Variants in PDE10A observed in about 807,000 individuals in gnomAD.
PDE10A encodes phosphodiesterase 10A, also known as cAMP and cAMP-inhibited cGMP 3',5'-cyclic phosphodiesterase 10A.
PDE10A carries 39 observed loss-of-function variants against 97.7 expected under a neutral mutation model. The ratio of observed to expected loss-of-function variants is 0.40; its 90% CI spans 0.31 to 0.52. PDE10A has a LOEUF of 0.52. PDE10A is among the 20% of genes least tolerant of loss of function. The pLI, the probability that PDE10A is intolerant of heterozygous loss-of-function variation, is 0.56. For synonymous variants in PDE10A, 371 were observed against 376.8 expected, an observed-to-expected ratio of 0.98 and a Z score of 0.18; for missense variants, 731 against 1,047.8, an observed-to-expected ratio of 0.70 and a Z score of 4.17.
intron 18 of PDE10A, among the ~76,000 whole-genome samples, chr6:165,362,846 A>G (rs994621761): frequency 3.9e-5 from 6 of 152,208 alleles, no homozygotes; most frequent in Non-Finnish European, 7.3e-5. Flanking sequence ...CCAGCAATAT[A>G]TAGAACAACT....
intron 1 of PDE10A, among the ~76,000 whole-genome samples, chr6:165,616,469 C>T (rs3008017): frequency 1.3e-5 from 2 of 152,098 alleles, no homozygotes; most frequent in Non-Finnish European, 2.9e-5. Flanking sequence ...TTTAGAAAAA[C>T]GTTTTTTTTA....
intron 1 of PDE10A, among the ~76,000 whole-genome samples, chr6:165,962,006 C>T (rs1209494147): frequency 1.3e-5 from 2 of 152,200 alleles, no homozygotes; most frequent in Non-Finnish European, 2.9e-5. Context: ...ATCCTTACAG[C>T]TCTAAGGTCT....
At chr6:165,772,576 G>A (rs975486645) in intron 1 of PDE10A, among the ~76,000 whole-genome samples, 2 of 152,158 alleles carry the variant, frequency 1.3e-5, no homozygotes, top group Admixed American at 6.5e-5. Context: ...CTATCTCTTC[G>A]TCTGTAAAAA....
chr6:165,666,124 A>G (rs2128434644), upstream of PDE10A, among the ~76,000 whole-genome samples: 1 of 152,314 alleles, frequency 6.6e-6, no homozygotes, highest in South Asian at 2.1e-4. Context: ...TTAATAACCT[A>G]AGAGCTAGGT....
intron 2 of PDE10A, among the ~76,000 whole-genome samples, chr6:165,483,165 TC>T (rs796937139): frequency 2.0e-5 from 3 of 152,200 alleles, no homozygotes; most frequent in East Asian, 3.8e-4. Flanking sequence ...CTCCTTGCTG[TC>T]TTTTTCCTGT....
chr6:165,737,436 T>C (rs769674645), intron 1 of PDE10A, among the ~76,000 whole-genome samples: 1 of 152,200 alleles, frequency 6.6e-6, no homozygotes, highest in Non-Finnish European at 1.5e-5. Flanking sequence ...AAGAGGATTA[T>C]TCACCATGAT....
intron 1 of PDE10A, chr6:165,775,028 A>AT (rs1172662070): frequency 6.6e-6 from 1 of 152,150 alleles, no homozygotes; most frequent in African/African-American, 2.4e-5. Flanking sequence ...GGACGATCCC[A>AT]GGGGTCCTGT....
intron 1 of PDE10A, among the ~76,000 whole-genome samples, chr6:165,880,420 A>T (rs920759339): frequency 3.9e-5 from 6 of 152,180 alleles, no homozygotes; most frequent in African/African-American, 7.2e-5. Context: ...ATCTATGTGG[A>T]CATCTGTTCC....
intron 1 of PDE10A, among the ~76,000 whole-genome samples, chr6:165,575,301 A>G (rs1785247424): frequency 1.3e-5 from 2 of 152,066 alleles, no homozygotes; most frequent in African/African-American, 4.8e-5. Context: ...GGCTCCCTAT[A>G]CTGATCCCAC....
intron 1 of PDE10A, among the ~76,000 whole-genome samples, chr6:165,545,529 T>C (rs1055332241): frequency 4.6e-5 from 7 of 152,008 alleles, no homozygotes; most frequent in Admixed American, 3.9e-4. Context: ...TTACATGAGA[T>C]AAAAGATATG....
chr6:165,723,839 A>G (rs372759434), intron 1 of PDE10A, among the ~76,000 whole-genome samples: 1,602 of 137,690 alleles, frequency 0.012, 32 homozygotes, highest in African/African-American at 0.044. Flanking sequence ...ACGAGAAATA[A>G]GATAAAGGTG....
chr6:165,470,424 C>G (rs1388887626), intron 3 of PDE10A, among the ~76,000 whole-genome samples: 1 of 152,172 alleles, frequency 6.6e-6, no homozygotes, highest in African/African-American at 2.4e-5. Flanking sequence ...GATATATAAA[C>G]TTATTTGCAT....
At chr6:165,960,713 G>A (rs1004626393) in intron 1 of PDE10A, among the ~76,000 whole-genome samples, 20 of 152,146 alleles carry the variant, frequency 1.3e-4, no homozygotes, top group South Asian at 4.1e-4. Flanking sequence ...ATATGAGGGC[G>A]CTAGAATCGC....
chr6:165,734,347 G>C (rs1158226482), intron 1 of PDE10A, among the ~76,000 whole-genome samples: 1 of 151,998 alleles, frequency 6.6e-6, no homozygotes, highest in Non-Finnish European at 1.5e-5. Context: ...CACAGAAAAA[G>C]ACGTCAGAGT....
intron 4 of PDE10A, among the ~76,000 whole-genome samples, chr6:165,449,240 A>G (rs1280711182): frequency 6.6e-6 from 1 of 152,228 alleles, no homozygotes; most frequent in Non-Finnish European, 1.5e-5. Context: ...ACATAGTAAC[A>G]TATTTGTTGA....
intron 1 of PDE10A, among the ~76,000 whole-genome samples, chr6:165,838,312 T>C (rs1213500382): frequency 6.6e-6 from 1 of 152,208 alleles, no homozygotes; most frequent in African/African-American, 2.4e-5. Flanking sequence ...ACATATAAAC[T>C]AGGGTTTTCT....
chr6:165,406,035 T>A (rs933857113), intron 13 of PDE10A, among the ~76,000 whole-genome samples: 1 of 152,092 alleles, frequency 6.6e-6, no homozygotes, highest in African/African-American at 2.4e-5. Context: ...TCCATGTCAG[T>A]TATAAATTTT....
At chr6:165,756,560 T>C (rs924147339) in intron 1 of PDE10A, among the ~76,000 whole-genome samples, 1 of 152,212 alleles carries the variant, frequency 6.6e-6, no homozygotes. Context: ...TTTGAGATCT[T>C]TTCCATTCCA....
chr6:165,428,999 T>G (rs1395521662), intron 9 of PDE10A, among the ~76,000 whole-genome samples: 3 of 152,090 alleles, frequency 2.0e-5, no homozygotes, highest in Admixed American at 1.3e-4. Flanking sequence ...TCTGTTGCAT[T>G]TAACAAAGTA....
Sources: allele counts gnomAD v4.1 joint callset (sites outside exome capture counted in the v4.1 genomes callset), GRCh38; gene constraint gnomAD v4.1.1; transcripts MANE v1.5; gene names NCBI Gene and HGNC (gene_info 2026-07-23, HGNC 2026-07-21).